Variants in RAPGEF6 observed in about 807,000 individuals in gnomAD.
RAPGEF6 encodes the protein Rap guanine nucleotide exchange factor 6.
RAPGEF6 carries 56 observed loss-of-function variants against 171.4 expected under a neutral mutation model. The ratio of observed to expected loss-of-function variants is 0.33; its 90% CI spans 0.26 to 0.41. The LOEUF (loss-of-function observed/expected upper bound fraction) is 0.41. Among genes scored for constraint, RAPGEF6 ranks in the 10% least tolerant of loss-of-function variants. The pLI is 1.00. For synonymous variants in RAPGEF6, 692 were observed against 650.1 expected, an observed-to-expected ratio of 1.06 and a Z score of -0.98; for missense variants, 1,674 against 1,921.4, an observed-to-expected ratio of 0.87 and a Z score of 2.41.
intron 17 of RAPGEF6, 152 bp from the exon 18 acceptor site, chr5:131,464,433 A>T: frequency 1.6e-6 from 1 of 629,790 alleles, no homozygotes; most frequent in Non-Finnish European, 2.7e-6. Flanking sequence ...GCATTTATTG[A>T]TAAATATATC....
intron 4 of RAPGEF6, 99 bp downstream of exon 4, chr5:131,592,284 G>A (rs1360236975): frequency 6.7e-7 from 1 of 1,488,272 alleles, no homozygotes; most frequent in Admixed American, 2.3e-5. Flanking sequence ...AACAAGCAAA[G>A]ACATTTAAAA....
chr5:131,499,581 C>CAAA (rs375534138), intron 11 of RAPGEF6, among the ~76,000 whole-genome samples: 2,783 of 86,432 alleles, frequency 0.032, 115 homozygotes, highest in African/African-American at 0.081. Context: ...GACTTTGTCT[C>CAAA]AAAAAAAAAA....
chr5:131,448,134 G>A (rs1234681577), intron 21 of RAPGEF6, among the ~76,000 whole-genome samples: 1 of 152,168 alleles, frequency 6.6e-6, no homozygotes, highest in African/African-American at 2.4e-5. Context: ...GTTTTTCAAA[G>A]AAATGGTGCA....
chr5:131,516,195 C>T (rs1758072296), intron 7 of RAPGEF6, among the ~76,000 whole-genome samples: 1 of 150,962 alleles, frequency 6.6e-6, no homozygotes, highest in South Asian at 2.1e-4. Flanking sequence ...TCAAGCGATT[C>T]TCTTGCCTCA....
chr5:131,499,525 G>A (rs534660716), intron 11 of RAPGEF6, among the ~76,000 whole-genome samples: 1 of 141,860 alleles, frequency 7.0e-6, no homozygotes, highest in Non-Finnish European at 1.5e-5. Flanking sequence ...AGGTTGCAGA[G>A]AGCGGAGATC....
At chr5:131,499,580 T>TC (rs1342884517) in intron 11 of RAPGEF6, among the ~76,000 whole-genome samples, 1 of 14,078 alleles carries the variant, frequency 7.1e-5, no homozygotes, top group African/African-American at 1.5e-4. Context: ...AGACTTTGTC[T>TC]CAAAAAAAAA....
intron 7 of RAPGEF6, among the ~76,000 whole-genome samples, chr5:131,511,798 C>G (rs922650707): frequency 3.9e-5 from 6 of 152,290 alleles, no homozygotes; most frequent in Non-Finnish European, 7.4e-5. Flanking sequence ...CCATGCCCAG[C>G]TGATCTTCCT....
intron 13 of RAPGEF6, among the ~76,000 whole-genome samples, chr5:131,493,818 T>C (rs1228671995): frequency 6.6e-6 from 1 of 152,208 alleles, no homozygotes; most frequent in Non-Finnish European, 1.5e-5. Flanking sequence ...TTTTCCCACA[T>C]TCTGATGTCC....
chr5:131,526,310 C>G (rs146437656), intron 6 of RAPGEF6, among the ~76,000 whole-genome samples: 1 of 152,226 alleles, frequency 6.6e-6, no homozygotes, highest in East Asian at 1.9e-4. Flanking sequence ...TTCTACATGC[C>G]TTTCACATAA....
intron 4 of RAPGEF6, among the ~76,000 whole-genome samples, chr5:131,563,162 AT>A (rs1761711877): frequency 6.6e-6 from 1 of 152,158 alleles, no homozygotes. Context: ...AACCAAAAGT[AT>A]TATCATATAT....
At chr5:131,470,854 A>T (rs1754690340) in intron 17 of RAPGEF6, among the ~76,000 whole-genome samples, 1 of 152,212 alleles carries the variant, frequency 6.6e-6, no homozygotes, top group Admixed American at 6.5e-5. Flanking sequence ...ACATGGGCAA[A>T]GAAAGGGCAT....
At chr5:131,431,402 T>C in intron 25 of RAPGEF6, 53 bp from the exon 26 acceptor site, 1 of 1,526,778 alleles carries the variant, frequency 6.5e-7, no homozygotes, top group Non-Finnish European at 8.8e-7. Context: ...AACTATCTTC[T>C]CTCTGTTTCA....
intron 1 of RAPGEF6, among the ~76,000 whole-genome samples, chr5:131,632,144 TC>T (rs1766353486): frequency 2.0e-5 from 3 of 149,356 alleles, no homozygotes; most frequent in African/African-American, 7.4e-5. Context: ...CTTTCAGTGC[TC>T]CCCCTCACTG....
intron 13 of RAPGEF6, 34 bp downstream of exon 13, chr5:131,495,519 C>T (rs1756584219): frequency 1.9e-6 from 3 of 1,561,630 alleles, no homozygotes; most frequent in East Asian, 2.2e-5. Context: ...GGGACCACTA[C>T]ACTCTGAAGA....
intron 1 of RAPGEF6, among the ~76,000 whole-genome samples, chr5:131,605,796 C>T (rs1196524297): frequency 6.6e-6 from 1 of 151,910 alleles, no homozygotes; most frequent in African/African-American, 2.4e-5. Flanking sequence ...TTTGGGAGGT[C>T]GAGGCGGGCG....
intron 6 of RAPGEF6, among the ~76,000 whole-genome samples, chr5:131,545,232 C>T (rs902660583): frequency 1.3e-4 from 20 of 151,982 alleles, no homozygotes; most frequent in African/African-American, 4.8e-4. Context: ...TCATCTTTTT[C>T]AGTCATTCTA....
chr5:131,572,903 AT>A (rs753135128), intron 4 of RAPGEF6, among the ~76,000 whole-genome samples: 2 of 152,134 alleles, frequency 1.3e-5, no homozygotes, highest in Admixed American at 6.5e-5. Flanking sequence ...GGCACTTTCG[AT>A]TTGTCTTCTT....
chr5:131,592,556 T>C (rs1041911385), intron 3 of RAPGEF6, 90 bp from the exon 4 acceptor site: 33 of 1,489,932 alleles, frequency 2.2e-5, no homozygotes, highest in African/African-American at 2.1e-4. Flanking sequence ...CTGATAATAG[T>C]ACAAATAATT....
Position 131,498,565 on chromosome 5 carries a change from A to C in RAPGEF6, c.1297T>G (p.Ser433Ala), listed in dbSNP as rs572088146. 5 of 1,613,846 alleles carry C rather than the reference A, an allele frequency of 3.1e-6. No individual in the cohort carries two copies. The highest frequency in any genetic ancestry group is 1.1e-5 in the South Asian group (1 of 90,968). ...RLIMHLIEEH[S>A]IVDPTYIEDF... ...TCTATATAAGTTGGATCCACGATGG[A>C]ATGTTCTTCTATTAAATGCATTATG... The change falls in exon 12 of 28, where the codon TCC (serine) becomes GCC (alanine). Residue 433 changes from serine to alanine, a missense_variant. By Grantham distance (99) the Ser-to-Ala change is moderately conservative. This residue lies in a region of RAPGEF6 where 1,116 missense variants were observed against 1,321.5 expected (regional missense o/e 0.84). Coordinates refer to ENST00000509018, the MANE Select transcript of RAPGEF6 (RefSeq NM_016340.6).
Sources: gnomAD v4.1 joint callset for allele counts (sites outside exome capture counted in the v4.1 genomes callset) on GRCh38, gnomAD v4.1.1 for gene constraint, gnomAD v4.1.1 regional missense constraint, MANE v1.5 for transcripts, NCBI Gene and HGNC (gene_info 2026-07-23, HGNC 2026-07-21) for gene names.